REG3G: variants seen among roughly 807,000 people sequenced by gnomAD.
The protein encoded by REG3G is regenerating family member 3 gamma.
Under a neutral mutation model 20.9 loss-of-function variants are expected in REG3G, and 19 were observed. That is an observed-to-expected ratio of 0.91 (90% CI 0.64 to 1.34). REG3G has a LOEUF of 1.34. Among genes scored for constraint, REG3G ranks in the 40% most tolerant of loss-of-function variants. The pLI is 0.00. For missense variants in REG3G, 235 were observed against 205.0 expected (o/e 1.15, Z -0.89); for synonymous variants, 89 against 77.4 (o/e 1.15, Z -0.79).
chr2:79,026,124 T>A lies in REG3G; in HGVS notation c.31T>A (p.Ser11Thr). Residue 11 changes from serine (S) to threonine (T), a missense_variant, in exon 2 of 6, where the codon TCC becomes ACC. By Grantham distance (58) the Ser-to-Thr change is moderately conservative (BLOSUM62 1). Transcript: ENST00000272324. ...GCCTCCCATGGCCCTGCCCAGTGTG[T>A]CCTGGATGCTGCTTTCCTGCCTCAT... is the stretch of plus-strand genomic sequence containing the variant. MLPPMALPSVSWMLLSCLILL... is the reference protein window; with the variant it reads MLPPMALPSVTWMLLSCLILL... The A allele has an allele frequency of 2.5e-6, 4 of 1,613,996 alleles. No individual in the cohort carries two copies. Among genetic ancestry groups the A allele is most frequent in the Non-Finnish European group, 3.4e-6 (4 of 1,179,918 alleles).
At chr2:79,027,766 A>G (rs1671661154) in intron 4 of REG3G, 41 bp from the exon 5 acceptor site, 2 of 1,611,338 alleles carry the variant, frequency 1.2e-6, no homozygotes, top group African/African-American at 1.3e-5. Context: ...GAGACCTGCA[A>G]TGGCCATTTT....
At position 79,028,314 on chromosome 2, in the gene REG3G, G is replaced by T; in HGVS notation, c.*38G>T. On this transcript the variant is annotated 3_prime_UTR_variant, in exon 6 of 6. Transcript: ENST00000272324. The stretch of plus-strand genomic sequence containing the variant: ...GTCAGCAGCCTGAGCTTGGCGTGCA[G>T]CTCATCATGGACATGAGACCAGTGT... The T allele has an allele frequency of 7.2e-7, 1 of 1,382,166 alleles. No individual in the cohort carries two copies. 85.6% of individuals were successfully genotyped at this position (1,382,166 alleles called of 1,614,324 possible).
Position 79,026,821 on chromosome 2 carries a change from T to C in REG3G, c.185T>C (p.Met62Thr), listed in dbSNP as rs530339174. 8.7e-6 allele frequency: 14 copies of C among 1,611,164 alleles called. No individual in the cohort carries two copies. The East Asian group carries it at 2.2e-4, about 26-fold the overall frequency. ...TTGTTTTTGTCACCAAAATCCTGGA[T>C]GGATGCAGATGTGAGTGGTTAGATG... is the stretch of plus-strand genomic sequence containing the variant. Reference protein sequence around the residue: ...YALFLSPKSWMDADLACQKRP... With the variant: ...YALFLSPKSWTDADLACQKRP... Residue 62 changes from methionine to threonine, a missense_variant, in exon 3 of 6, where the codon ATG becomes ACG. Met to Thr is a moderately conservative substitution (Grantham distance 81). Coordinates refer to ENST00000272324, the MANE Select transcript of REG3G (RefSeq NM_001008387.3).
chr2:79,028,062 C>T, intron 5 of REG3G, 129 bp downstream of exon 5: 1 of 1,319,256 alleles, frequency 7.6e-7, no homozygotes, highest in East Asian at 2.3e-5. Context: ...CCTCTCATCT[C>T]TGCCTTCTTT....
rs371639834 is a variant in REG3G, at chr2:79,028,281, G to A, written c.*5G>A. On this transcript the variant is annotated 3_prime_UTR_variant, in exon 6 of 6. Transcript: ENST00000272324. Reference sequence around the variant, plus strand: ...GTCTGCAAGTTCAAGGACTAGGGCAGGTGGGAAGTCAGCAGCCTGAGCTTG... The same window carrying A: ...GTCTGCAAGTTCAAGGACTAGGGCAAGTGGGAAGTCAGCAGCCTGAGCTTG... The A allele has an allele frequency of 1.9e-6, 3 of 1,608,174 alleles. No individual in the cohort carries two copies. The highest frequency in any genetic ancestry group is 2.6e-6 in the Non-Finnish European group (3 of 1,174,654).
At chr2:79,025,935 C>T in intron 1 of REG3G, 48 bp from the exon 2 acceptor site, 1 of 675,786 alleles carries the variant, frequency 1.5e-6, no homozygotes, top group Non-Finnish European at 2.6e-6. Flanking sequence ...AGATTCACAG[C>T]TCATTCAGAA....
At chr2:79,027,307 A>C in intron 4 of REG3G, 136 bp downstream of exon 4, 1 of 947,776 alleles carries the variant, frequency 1.1e-6, no homozygotes. Context: ...ATTTGGGAGA[A>C]TAGGAAGTCC....
At chr2:79,026,992 T>C (rs372764228) in intron 3 of REG3G, 42 bp from the exon 4 acceptor site, 13 of 1,612,858 alleles carry the variant, frequency 8.1e-6, no homozygotes, top group Non-Finnish European at 9.3e-6. Context: ...CCTCCCTCAG[T>C]GGGTCTCAGG....
chr2:79,027,827 T>C lies in REG3G; in HGVS notation c.354T>C (p.Asp118=). 1 of 1,613,978 alleles carries C rather than the reference T, an allele frequency of 6.2e-7. No homozygotes were observed. The highest frequency in any genetic ancestry group is 8.5e-7 in the Non-Finnish European group (1 of 1,179,944). ...TATAGGGCTCTGAGCCTGATGGAGA[T>C]GGATGGGAGTGGAGTAGCACTGATG... The part of the protein sequence containing the change: ...DPTQGSEPDG[D]GWEWSSTDVM... Residue 118 remains aspartate (D), a synonymous_variant, in exon 5 of 6, where the codon GAT becomes GAC. Transcript: ENST00000272324.
intron 2 of REG3G, chr2:79,026,383 A>G (rs1453715470): frequency 1.6e-6 from 1 of 612,710 alleles, no homozygotes; most frequent in Non-Finnish European, 2.9e-6. Context: ...CCATTTAGTC[A>G]GTGGACTCTA....
At position 79,026,782 on chromosome 2, in the gene REG3G, C is replaced by A. The variant is rs1171283900; in HGVS notation, c.146C>A (p.Ser49Tyr). The A allele has an allele frequency of 6.2e-7, 1 of 1,613,682 alleles. No individual in the cohort carries two copies. Residue 49 changes from serine to tyrosine, a missense_variant, in exon 3 of 6, where the codon TCC becomes TAC. Transcript: ENST00000272324. ...CCCAAAGGCTCCAAGGCCTATGGCT[C>A]CCCCTGCTATGCCTTGTTTTTGTCA... ...SCPKGSKAYGSPCYALFLSPK... is the reference protein window; with the variant it reads ...SCPKGSKAYGYPCYALFLSPK...
intron 4 of REG3G, 27 bp from the exon 5 acceptor site, chr2:79,027,780 C>T (rs968449071): frequency 6.2e-7 from 1 of 1,613,426 alleles, no homozygotes; most frequent in Non-Finnish European, 8.5e-7. Flanking sequence ...CCATTTTCTT[C>T]ACCTGGCTGC....
intron 4 of REG3G, 23 bp downstream of exon 4, chr2:79,027,194 C>T (rs1433623929): frequency 9.9e-6 from 16 of 1,612,214 alleles, no homozygotes; most frequent in Non-Finnish European, 1.4e-5. Context: ...CCTCCCCTCT[C>T]TGTTACCTCT....
At position 79,028,337 on chromosome 2, in the gene REG3G, T is replaced by G; in HGVS notation, c.*61T>G. Reference sequence around the variant, plus strand: ...CAGCTCATCATGGACATGAGACCAGTGTGAAGACTCACCCTGGAAGAGAAT... The same window carrying G: ...CAGCTCATCATGGACATGAGACCAGGGTGAAGACTCACCCTGGAAGAGAAT... On this transcript the variant is annotated 3_prime_UTR_variant, in exon 6 of 6. Coordinates refer to ENST00000272324, the MANE Select transcript of REG3G (RefSeq NM_001008387.3). The G allele has an allele frequency of 1.9e-6, 2 of 1,079,574 alleles. No homozygotes were observed. The highest frequency in any genetic ancestry group is 2.9e-6 in the Non-Finnish European group (2 of 692,656). The allele number at this position is 1,079,574 out of a possible 1,614,324, so 66.9% of individuals were successfully genotyped here. A position where few individuals can be genotyped will look rare whatever the true frequency, so the allele number is the denominator to read the frequency against.
chr2:79,026,088 G>A lies in REG3G; in HGVS notation c.-6G>A. The A allele has an allele frequency of 6.2e-7, 1 of 1,613,912 alleles. No individual in the cohort carries two copies. Reference sequence around the variant, plus strand: ...GACCCGATTGCCTCCTCAAGTCGCAGACACTATGCTGCCTCCCATGGCCCT... The same window carrying A: ...GACCCGATTGCCTCCTCAAGTCGCAAACACTATGCTGCCTCCCATGGCCCT... On this transcript the variant is annotated 5_prime_UTR_variant, in exon 2 of 6. Transcript: ENST00000272324.
rs191052157 is a variant in REG3G, at chr2:79,027,341, T to G, written c.333+170T>G. 7.7e-6 allele frequency: 5 copies of G among 648,336 alleles called. No homozygotes were observed. In the Admixed American group the frequency reaches 1.2e-4, roughly 16 times the overall value. 40.2% of individuals were successfully genotyped at this position (648,336 alleles called of 1,614,324 possible). A position where few individuals can be genotyped will look rare whatever the true frequency, so the allele number is the denominator to read the frequency against. ...CCATGAGGCAGCTGAAGAGCTGAAT[T>G]CTACGGAGATCCCTAGTCTTTAAAG... is the stretch of plus-strand genomic sequence containing the variant. On this transcript the variant is annotated intron_variant, in intron 4 of 5. Transcript: ENST00000272324.
Position 79,028,258 on chromosome 2 carries a change from C to T in REG3G, c.510C>T (p.Val170=). ...ACTGTGATGCAAAGTTACCCTATGT[C>T]TGCAAGTTCAAGGACTAGGGCAGGT... is the stretch of plus-strand genomic sequence containing the variant. ...DYNCDAKLPY[V]CKFKD The change falls in exon 6 of 6, where the codon GTC becomes GTT. Residue 170 remains valine, a synonymous_variant. Coordinates refer to ENST00000272324, the MANE Select transcript of REG3G (RefSeq NM_001008387.3). The T allele has an allele frequency of 6.2e-7, 1 of 1,612,978 alleles. No homozygotes were observed. Among genetic ancestry groups the T allele is most frequent in the South Asian group, 1.1e-5 (1 of 91,056 alleles).
Position 79,028,278 on chromosome 2 carries a change from G to A in REG3G, c.*2G>A, listed in dbSNP as rs1453555636. ...TATGTCTGCAAGTTCAAGGACTAGG[G>A]CAGGTGGGAAGTCAGCAGCCTGAGC... On this transcript the variant is annotated 3_prime_UTR_variant, in exon 6 of 6. Transcript: ENST00000272324. 1.2e-6 allele frequency: 2 copies of A among 1,609,848 alleles called. No homozygotes were observed. The highest frequency in any genetic ancestry group is 1.7e-6 in the Non-Finnish European group (2 of 1,176,330).
chr2:79,026,196 G>A, intron 2 of REG3G, 27 bp downstream of exon 2: 5 of 1,609,558 alleles, frequency 3.1e-6, no homozygotes, highest in Non-Finnish European at 4.3e-6. Flanking sequence ...TCTAGCACTG[G>A]GTTCCCTATG....
Sources: gnomAD v4.1 joint callset for allele counts on GRCh38, gnomAD v4.1.1 for gene constraint, MANE v1.5 for transcripts, NCBI Gene and HGNC (gene_info 2026-07-23, HGNC 2026-07-21) for gene names.